FMN1: variants seen among roughly 807,000 people sequenced by gnomAD.
FMN1 encodes formin-1.
Under a neutral mutation model 132.4 loss-of-function variants are expected in FMN1, and 110 were observed. The ratio of observed to expected loss-of-function variants is 0.83; its 90% CI spans 0.71 to 0.97. FMN1 has a LOEUF of 0.97. FMN1 is among the 50% of genes least tolerant of loss of function. The pLI is 0.00. For missense variants in FMN1, 1,792 were observed against 1,705.3 expected, an observed-to-expected ratio of 1.05 and a Z score of -0.90; for synonymous variants, 722 against 651.7, an observed-to-expected ratio of 1.11 and a Z score of -1.64.
At chr15:32,964,376 C>T in intron 8 of FMN1, 119 bp from the exon 9 acceptor site, 2 of 728,432 alleles carry the variant, frequency 2.7e-6, no homozygotes, top group East Asian at 2.5e-5. Context: ...ACATAAAACT[C>T]TAATAATGCT....
At chr15:32,953,054 G>A (rs966721720) in intron 9 of FMN1, among the ~76,000 whole-genome samples, 4 of 152,178 alleles carry the variant, frequency 2.6e-5, no homozygotes, top group Admixed American at 6.5e-5. Context: ...GGGGCTTGGC[G>A]GCTAAGAAAT....
chr15:33,188,178 C>CA (rs56854679), intron 2 of FMN1, among the ~76,000 whole-genome samples: 41 of 148,538 alleles, frequency 2.8e-4, no homozygotes, highest in Admixed American at 8.0e-4. Context: ...ACTAAAAATG[C>CA]AAAAAAAAAA....
chr15:33,015,723 C>A (rs1402812160), intron 6 of FMN1, among the ~76,000 whole-genome samples: 1 of 151,744 alleles, frequency 6.6e-6, no homozygotes, highest in Non-Finnish European at 1.5e-5. Context: ...AAAATCATTC[C>A]TCTGAATTAT....
intron 4 of FMN1, among the ~76,000 whole-genome samples, chr15:33,115,245 C>A (rs866016632): frequency 7.9e-5 from 12 of 152,084 alleles, no homozygotes; most frequent in African/African-American, 2.7e-4. Context: ...CTAAGGCTGT[C>A]CTATAAGGAG....
In FMN1 at chr15:32,901,180, G is replaced by A. The variant is rs562498454; in HGVS notation, c.3507+731C>T. ...AAAAAAAAAGAAAGAAAGAAAGAAA[G>A]AAAAAAAATTCAGCTCCAGGCAGAC... On this transcript the variant is annotated intron_variant, in intron 13 of 20. Transcript: ENST00000616417. Among the ~76,000 whole-genome samples the A allele has an allele frequency of 7.1e-3, 1,073 of 150,262 alleles. 6 individuals carry two copies. The highest frequency in any genetic ancestry group is 0.014 in the Middle Eastern group (4 of 284).
In FMN1 at chr15:32,772,291, A is replaced by G. The variant is rs2056273103; in HGVS notation, c.*2019T>C. ...GACCAAAGTGGACTGCAATGAGTAC[A>G]CCTCAAACCTCCCGCTGCTCTCACC... On this transcript the variant is annotated 3_prime_UTR_variant, in exon 21 of 21. Transcript: ENST00000616417. 6.6e-6 allele frequency: 1 copy of G among 152,148 alleles called. No homozygotes were observed. The highest frequency in any genetic ancestry group is 2.1e-4 in the South Asian group (1 of 4,822). The allele number at this position is 152,148 out of a possible 1,614,324, so 9.4% of individuals were successfully genotyped here. A position where few individuals can be genotyped will look rare whatever the true frequency, so the allele number is the denominator to read the frequency against.
At chr15:32,793,501 G>C (rs1165203194) in intron 19 of FMN1, among the ~76,000 whole-genome samples, 3 of 152,080 alleles carry the variant, frequency 2.0e-5, no homozygotes, top group Non-Finnish European at 4.4e-5. Flanking sequence ...GGCTGATCTT[G>C]AACGCCTGAC....
intron 19 of FMN1, among the ~76,000 whole-genome samples, chr15:32,785,196 G>GTATATATATATA (rs1443417858): frequency 7.7e-5 from 2 of 25,838 alleles, no homozygotes; most frequent in African/African-American, 2.8e-4. Flanking sequence ...GTGTGTGTGT[G>GTATATATATATA]TGTGTATATA....
chr15:32,879,351 TA>T (rs1429296029), intron 16 of FMN1, among the ~76,000 whole-genome samples: 2 of 152,308 alleles, frequency 1.3e-5, no homozygotes, highest in East Asian at 3.9e-4. Context: ...TCAGACTTAG[TA>T]AACTACTGCT....
At chr15:32,912,991 T>TTAA (rs1314069980) in intron 10 of FMN1, among the ~76,000 whole-genome samples, 1 of 152,216 alleles carries the variant, frequency 6.6e-6, no homozygotes, top group African/African-American at 2.4e-5. Context: ...TTAATGCTTG[T>TTAA]TAATGCCTTA....
At chr15:32,845,524 G>T (rs1235843441) in intron 17 of FMN1, among the ~76,000 whole-genome samples, 2 of 152,144 alleles carry the variant, frequency 1.3e-5, no homozygotes, top group Non-Finnish European at 2.9e-5. Flanking sequence ...GGACTCAAAA[G>T]AAACCAAGTG....
At position 32,769,227 on chromosome 15, in the gene FMN1, A is replaced by T. The variant is rs1361630634; in HGVS notation, c.*5083T>A. 6.6e-6 allele frequency: 1 copy of T among 152,236 alleles called. No individual in the cohort carries two copies. Among genetic ancestry groups the T allele is most frequent in the Non-Finnish European group, 1.5e-5 (1 of 68,046 alleles). 9.4% of individuals were successfully genotyped at this position (152,236 alleles called of 1,614,324 possible). A position where few individuals can be genotyped will look rare whatever the true frequency, so the allele number is the denominator to read the frequency against. On this transcript the variant is annotated 3_prime_UTR_variant, in exon 21 of 21. Transcript: ENST00000616417. ...TTCCCAAATCCTAACTTTATATCAC[A>T]GTATTGGTTAAGAGTCTTGGAACAA...
intron 19 of FMN1, among the ~76,000 whole-genome samples, chr15:32,777,696 T>TAACACATTTATATATTACGTATAAC (rs1567150019): frequency 2.4e-5 from 3 of 124,292 alleles, no homozygotes; most frequent in African/African-American, 6.0e-5. Context: ...ACGTATAACA[T>TAACACATTTATATATTACGTATAAC]ATAACACATT....
chr15:33,032,632 A>G (rs187487370), intron 6 of FMN1, among the ~76,000 whole-genome samples: 1 of 152,362 alleles, frequency 6.6e-6, no homozygotes, highest in African/African-American at 2.4e-5. Context: ...CACAATTAAA[A>G]TAACTTATAC....
intron 6 of FMN1, among the ~76,000 whole-genome samples, chr15:33,028,819 A>G (rs2035800420): frequency 6.6e-6 from 1 of 152,322 alleles, no homozygotes; most frequent in East Asian, 1.9e-4. Flanking sequence ...CAAACTCTTG[A>G]TTAACTCTAA....
chr15:32,892,840 A>G (rs962428140), intron 15 of FMN1, among the ~76,000 whole-genome samples: 18 of 152,090 alleles, frequency 1.2e-4, no homozygotes, highest in African/African-American at 4.3e-4. Context: ...TTTCTAGTTT[A>G]TGTATCACCA....
chr15:33,058,464 C>T (rs1342219281), intron 6 of FMN1, among the ~76,000 whole-genome samples: 1 of 152,190 alleles, frequency 6.6e-6, no homozygotes, highest in Non-Finnish European at 1.5e-5. Flanking sequence ...GTACACCATG[C>T]ATTTTACTAC....
At chr15:32,945,799 A>T (rs1309933456) in intron 9 of FMN1, among the ~76,000 whole-genome samples, 1 of 152,194 alleles carries the variant, frequency 6.6e-6, no homozygotes, top group Middle Eastern at 3.2e-3. Context: ...CCCTAGCTGC[A>T]GTGCCTCAAG....
intron 19 of FMN1, among the ~76,000 whole-genome samples, chr15:32,777,373 C>G (rs527964247): frequency 6.6e-6 from 1 of 150,946 alleles, no homozygotes; most frequent in South Asian, 2.1e-4. Context: ...AAAAGATAAC[C>G]TACGGAATGG....
Sources: gnomAD v4.1 joint callset for allele counts (sites outside exome capture counted in the v4.1 genomes callset) on GRCh38, gnomAD v4.1.1 for gene constraint, MANE v1.5 for transcripts, NCBI Gene and HGNC (gene_info 2026-07-23, HGNC 2026-07-21) for gene names.